Variants in PRKG1 observed in about 807,000 individuals in gnomAD.
PRKG1 encodes cGMP-dependent protein kinase 1.
Under a neutral mutation model 88.1 loss-of-function variants are expected in PRKG1, and 35 were observed. That is an observed-to-expected ratio of 0.40 (90% confidence interval 0.30 to 0.53). The LOEUF (loss-of-function observed/expected upper bound fraction) is 0.53. PRKG1 is among the 20% of genes least tolerant of loss of function. The pLI is 0.59. For synonymous variants in PRKG1, 303 were observed against 292.5 expected (o/e 1.04, Z -0.37); for missense variants, 540 against 839.8 (o/e 0.64, Z 4.41).
At chr10:52,085,047 G>A (rs987246479) in intron 7 of PRKG1, among the ~76,000 whole-genome samples, 2 of 151,992 alleles carry the variant, frequency 1.3e-5, no homozygotes, top group African/African-American at 4.8e-5. Context: ...TATAAGTGAC[G>A]TTGTATTCTT....
Position 52,054,495 on chromosome 10 carries a change from A to G in PRKG1, c.774A>G (p.Glu258=). The G allele has an allele frequency of 1.2e-6, 2 of 1,613,422 alleles. No individual in the cohort carries two copies. ...LADVLEETHY[E]NGEYIIRQGA... ...TTTCTACTTTTCAGACCCACTATGAAAATGGAGAATATATTATCAGGCAAG... is the reference window on the plus strand; with the variant it reads ...TTTCTACTTTTCAGACCCACTATGAGAATGGAGAATATATTATCAGGCAAG... Residue 258 remains glutamate (E), a synonymous_variant, in exon 6 of 18, where the codon GAA becomes GAG. Coordinates refer to ENST00000373980, the MANE Select transcript of PRKG1 (RefSeq NM_006258.4).
chr10:51,067,262 G>A (rs531015757), intron 1 of PRKG1, among the ~76,000 whole-genome samples: 1,153 of 86,384 alleles, frequency 0.013, 13 homozygotes, highest in African/African-American at 0.055. Context: ...GTGTTTGTAT[G>A]TATGTGTGTA....
At chr10:52,157,314 T>TATATATATATATATATATATAC (rs1838142531) in intron 8 of PRKG1, among the ~76,000 whole-genome samples, 2 of 43,550 alleles carry the variant, frequency 4.6e-5, no homozygotes, top group South Asian at 1.4e-3. Context: ...TTGATATATA[T>TATATATATATATATATATATAC]ATATATATAT....
intron 4 of PRKG1, among the ~76,000 whole-genome samples, chr10:51,872,978 G>T (rs976115686): frequency 6.6e-6 from 1 of 151,946 alleles, no homozygotes; most frequent in Non-Finnish European, 1.5e-5. Flanking sequence ...ATGTTTGTAT[G>T]ACCTCTACTT....
At chr10:51,467,944 G>A (rs762320007) in intron 3 of PRKG1, 108 bp downstream of exon 3, 7 of 973,798 alleles carry the variant, frequency 7.2e-6, no homozygotes, top group South Asian at 1.4e-5. Context: ...TTATTTCTTT[G>A]TATTTTAATT....
intron 10 of PRKG1, among the ~76,000 whole-genome samples, chr10:52,266,824 T>C (rs905093090): frequency 7.9e-5 from 12 of 151,894 alleles, no homozygotes; most frequent in Admixed American, 7.2e-4. Flanking sequence ...TAGTCAAATG[T>C]CACACTAGTC....
chr10:52,214,983 T>G (rs916585361), intron 9 of PRKG1, among the ~76,000 whole-genome samples: 1 of 151,730 alleles, frequency 6.6e-6, no homozygotes, highest in African/African-American at 2.4e-5. Context: ...ATTTTAAGAG[T>G]TTCTGCAATA....
intron 9 of PRKG1, among the ~76,000 whole-genome samples, chr10:52,164,727 C>A (rs112185473): frequency 0.037 from 5,595 of 152,114 alleles, 352 homozygotes; most frequent in African/African-American, 0.13. Context: ...TATAATATAG[C>A]CATTATGTTT....
intron 3 of PRKG1, among the ~76,000 whole-genome samples, chr10:51,609,906 G>A (rs1193387750): frequency 1.3e-5 from 2 of 152,050 alleles, no homozygotes; most frequent in East Asian, 1.9e-4. Flanking sequence ...ATACCTAGGC[G>A]ATGGGTTGAT....
chr10:51,884,168 C>T (rs79102431), intron 4 of PRKG1, among the ~76,000 whole-genome samples: 2,660 of 151,800 alleles, frequency 0.018, 69 homozygotes, highest in African/African-American at 0.059. Flanking sequence ...AAAAGTTGGC[C>T]GGGCGCGGTG....
intron 9 of PRKG1, among the ~76,000 whole-genome samples, chr10:52,243,593 T>C (rs747799745): frequency 4.6e-5 from 7 of 152,192 alleles, no homozygotes; most frequent in Non-Finnish European, 1.0e-4. Context: ...TAAGCATAAA[T>C]ATGCTATGAT....
intron 3 of PRKG1, among the ~76,000 whole-genome samples, chr10:51,706,631 G>T (rs1211066674): frequency 1.3e-5 from 2 of 152,130 alleles, no homozygotes; most frequent in Non-Finnish European, 2.9e-5. Context: ...TAGATATTCA[G>T]ATTTTTCTCA....
rs149924704 is a variant in PRKG1 at position 51,749,888 on chromosome 10, C to T, written c.593-54697C>T. Among the ~76,000 whole-genome samples the T allele has an allele frequency of 3.7e-3, 556 of 150,968 alleles. 12 individuals carry two copies. The highest frequency in any genetic ancestry group is 0.027 in the Admixed American group (412 of 15,178). On this transcript the variant is annotated intron_variant, in intron 3 of 17. Transcript: ENST00000373980. ...AGCACTCTATTTGGTGGGCTTAACA[C>T]AATTTGATTCTAAAAAATATATTAA...
At chr10:51,115,809 C>G (rs1845109489) in intron 1 of PRKG1, among the ~76,000 whole-genome samples, 1 of 144,622 alleles carries the variant, frequency 6.9e-6, no homozygotes, top group African/African-American at 2.6e-5. Flanking sequence ...GCACTCCAGC[C>G]TGGATGACAG....
intron 3 of PRKG1, chr10:51,568,336 G>A (rs1837660460): frequency 6.6e-6 from 1 of 152,026 alleles, no homozygotes; most frequent in Non-Finnish European, 1.5e-5. Context: ...CTCCTCTGAG[G>A]AGCAATTGGT....
intron 1 of PRKG1, among the ~76,000 whole-genome samples, chr10:51,113,944 CGTGTGTGT>C (rs35562284): frequency 6.4e-4 from 89 of 139,114 alleles, no homozygotes; most frequent in Middle Eastern, 3.6e-3. Flanking sequence ...AGCCTGTAAA[CGTGTGTGT>C]GTGTGTGTGT....
intron 1 of PRKG1, among the ~76,000 whole-genome samples, chr10:51,120,511 GC>G (rs984187830): frequency 2.6e-5 from 4 of 151,680 alleles, no homozygotes; most frequent in African/African-American, 4.8e-5. Context: ...ACATTTTCTG[GC>G]CCCTGTTTTT....
chr10:52,082,578 T>C (rs1278172673), intron 7 of PRKG1, among the ~76,000 whole-genome samples: 2 of 152,124 alleles, frequency 1.3e-5, no homozygotes, highest in Non-Finnish European at 2.9e-5. Context: ...AACACAGTAT[T>C]GTACTTGATT....
intron 5 of PRKG1, among the ~76,000 whole-genome samples, chr10:52,043,494 T>C (rs879578294): frequency 2.0e-5 from 3 of 152,046 alleles, no homozygotes; most frequent in African/African-American, 7.2e-5. Flanking sequence ...CTCACTTATA[T>C]GTGAAATGTA....
Sources: gnomAD v4.1 joint callset for allele counts (sites outside exome capture counted in the v4.1 genomes callset) on GRCh38, gnomAD v4.1.1 for gene constraint, MANE v1.5 for transcripts, NCBI Gene and HGNC (gene_info 2026-07-23, HGNC 2026-07-21) for gene names.